BANF2: variants seen among roughly 807,000 people sequenced by gnomAD.
BANF2 encodes BANF family member 2.
BANF2 carries 4 observed loss-of-function variants against 8.0 expected under a neutral mutation model. The ratio of observed to expected loss-of-function variants is 0.50; its 90% CI spans 0.25 to 1.14. BANF2 has a LOEUF of 1.14. BANF2 is among the 50% of genes most tolerant of loss of function. BANF2 has a pLI of 0.16. For missense variants in BANF2, 96 were observed against 107.5 expected (o/e 0.89, Z 0.47); for synonymous variants, 50 against 40.6 (o/e 1.23, Z -0.88).
At chr20:17,727,679 AG>A (rs768614786) in intron 3 of BANF2, among the ~76,000 whole-genome samples, 39 of 152,072 alleles carry the variant, frequency 2.6e-4, no homozygotes, top group Admixed American at 5.2e-4. Context: ...AGATCCTGGC[AG>A]GACAGGGTTC....
upstream of BANF2, among the ~76,000 whole-genome samples, chr20:17,696,014 T>C (rs1280330350): frequency 6.6e-6 from 1 of 152,252 alleles, no homozygotes; most frequent in Non-Finnish European, 1.5e-5. Context: ...AGTTTGTTCC[T>C]TTTGTTGCTG....
chr20:17,710,898 T>TG (rs1196344494), intron 1 of BANF2, among the ~76,000 whole-genome samples: 1 of 80,730 alleles, frequency 1.2e-5, no homozygotes, highest in African/African-American at 5.2e-5. Flanking sequence ...TGGGCAGATC[T>TG]GGGGGCTTCT....
At chr20:17,708,609 G>T (rs1334629307) in intron 1 of BANF2, among the ~76,000 whole-genome samples, 1 of 152,084 alleles carries the variant, frequency 6.6e-6, no homozygotes, top group Non-Finnish European at 1.5e-5. Context: ...GTCCAATGTT[G>T]GTCCTCTTTT....
rs201558856 is a variant in BANF2 at position 17,716,587 on chromosome 20, GGTGCA to G, written c.-166-6125_-166-6121del. Among the ~76,000 whole-genome samples, 151 of 151,452 alleles carry G rather than the reference GGTGCA, an allele frequency of 1.0e-3. 1 individual carries two copies. The East Asian group carries it at 0.028, about 28-fold the overall frequency. ...TTTTTTTAAAGAAAGAGACAGGTCA[GGTGCA>G]GTGGCTCACACCTGTAATCCTAGCC... On this transcript the variant is annotated intron_variant, in intron 1 of 3. Coordinates refer to ENST00000246090, the MANE Select transcript of BANF2 (RefSeq NM_178477.5).
intron 1 of BANF2, 103 bp downstream of exon 1, chr20:17,700,158 C>A: frequency 6.6e-6 from 2 of 302,382 alleles, no homozygotes; most frequent in Non-Finnish European, 9.7e-6. Flanking sequence ...TTAGATGAGC[C>A]AAACCGGTGG....
intron 2 of BANF2, among the ~76,000 whole-genome samples, chr20:17,724,737 C>T (rs1156556789): frequency 6.6e-6 from 1 of 152,136 alleles, no homozygotes; most frequent in Non-Finnish European, 1.5e-5. Flanking sequence ...GAACCCACTG[C>T]AGTTCTTAAT....
chr20:17,704,168 C>T (rs2037449522), intron 1 of BANF2, among the ~76,000 whole-genome samples: 1 of 152,224 alleles, frequency 6.6e-6, no homozygotes, highest in African/African-American at 2.4e-5. Context: ...AAACTGTCCA[C>T]TTCCTGGTGG....
At chr20:17,729,463 A>T (rs1264397982) in intron 3 of BANF2, among the ~76,000 whole-genome samples, 6 of 152,196 alleles carry the variant, frequency 3.9e-5, no homozygotes, top group Admixed American at 3.9e-4. Flanking sequence ...CTAGCTGGGC[A>T]CGGTGGCTCA....
intron 1 of BANF2, among the ~76,000 whole-genome samples, chr20:17,713,354 G>A (rs2037604600): frequency 6.6e-6 from 1 of 152,154 alleles, no homozygotes; most frequent in African/African-American, 2.4e-5. Flanking sequence ...GACAACCCCT[G>A]TGTGATTCCA....
intron 1 of BANF2, among the ~76,000 whole-genome samples, chr20:17,715,814 T>C (rs1481012542): frequency 6.6e-6 from 1 of 152,210 alleles, no homozygotes; most frequent in African/African-American, 2.4e-5. Context: ...TAAACTGAAG[T>C]AAGCAAAAAT....
At chr20:17,725,202 C>T (rs1414019897) in intron 3 of BANF2, 51 bp downstream of exon 3, 13 of 1,563,432 alleles carry the variant, frequency 8.3e-6, no homozygotes, top group Middle Eastern at 3.4e-4. Context: ...CCTTTCTTCC[C>T]CCAGTCCTGC....
chr20:17,725,568 C>T (rs6111635), intron 3 of BANF2, among the ~76,000 whole-genome samples: 4,575 of 152,326 alleles, frequency 0.03, 192 homozygotes, highest in African/African-American at 0.091. Context: ...GGTGAAGAAA[C>T]AGGAGCCTGG....
intron 1 of BANF2, among the ~76,000 whole-genome samples, chr20:17,694,599 CTCTTTTTT>C (rs1351692728): frequency 4.2e-4 from 35 of 82,768 alleles, no homozygotes; most frequent in African/African-American, 1.4e-3. Context: ...TTTTTTCTCT[CTCTTTTTT>C]TTTTTTTTTT....
upstream of BANF2, among the ~76,000 whole-genome samples, chr20:17,698,823 G>T (rs1467972735): frequency 6.6e-6 from 1 of 152,222 alleles, no homozygotes. Flanking sequence ...AAGCGTGCTG[G>T]TTGAACCCAG....
At chr20:17,694,531 G>T (rs1411497720) in intron 1 of BANF2, among the ~76,000 whole-genome samples, 1 of 146,772 alleles carries the variant, frequency 6.8e-6, no homozygotes, top group Admixed American at 6.8e-5. Context: ...TTAATATATT[G>T]TGTGAAACAT....
At chr20:17,698,926 G>C (rs1387807770), upstream of BANF2, among the ~76,000 whole-genome samples, 2 of 152,184 alleles carry the variant, frequency 1.3e-5, no homozygotes, top group Non-Finnish European at 2.9e-5. Flanking sequence ...ACTATTTCAG[G>C]ATCAAACCTA....
intron 1 of BANF2, among the ~76,000 whole-genome samples, chr20:17,716,957 T>A (rs1156301409): frequency 6.6e-6 from 1 of 151,446 alleles, no homozygotes; most frequent in Non-Finnish European, 1.5e-5. Context: ...CAAGTGATAA[T>A]CCTCCTGCCT....
In BANF2 at chr20:17,708,062, A is replaced by C. The variant is rs559650326; in HGVS notation, c.-167+8007A>C. Among the ~76,000 whole-genome samples, 4 of 151,400 alleles carry C rather than the reference A, an allele frequency of 2.6e-5. 1 individual carries two copies. The highest frequency in any genetic ancestry group is 2.1e-4 in the South Asian group (1 of 4,800). The stretch of plus-strand genomic sequence containing the variant: ...ACTAAAAATCAAAAAAAAAAAAAAA[A>C]AAAAACCAAAAAGAATTAGCCAGGT... On this transcript the variant is annotated intron_variant, in intron 1 of 3. Transcript: ENST00000246090.
At chr20:17,698,808 C>T (rs976585469), upstream of BANF2, among the ~76,000 whole-genome samples, 2 of 152,244 alleles carry the variant, frequency 1.3e-5, no homozygotes, top group Admixed American at 6.5e-5. Context: ...AATAGATCCT[C>T]AGTAAAGCGT....
Sources: allele counts gnomAD v4.1 joint callset (sites outside exome capture counted in the v4.1 genomes callset), GRCh38; gene constraint gnomAD v4.1.1; transcripts MANE v1.5; gene names NCBI Gene and HGNC (gene_info 2026-07-23, HGNC 2026-07-21).